The following EML1 variants were observed in gnomAD, a reference collection of about 807,000 sequenced individuals.
EML1 encodes echinoderm microtubule-associated protein-like 1.
A neutral mutation model predicts 110.4 loss-of-function variants in EML1; 27 were observed. That is an observed-to-expected ratio of 0.24 (90% CI 0.18 to 0.34). The LOEUF is 0.34. Among genes scored for constraint, EML1 ranks in the 10% least tolerant of loss-of-function variants. The pLI, the probability that EML1 is intolerant of heterozygous loss-of-function variation, is 1.00. For missense variants in EML1, 741 were observed against 1,030.9 expected (o/e 0.72, Z 3.85); for synonymous variants, 344 against 385.8 (o/e 0.89, Z 1.27).
intron 1 of EML1, among the ~76,000 whole-genome samples, chr14:99,821,366 T>C (rs2058259524): frequency 6.6e-6 from 1 of 152,158 alleles, no homozygotes; most frequent in Admixed American, 6.5e-5. Context: ...AATTTGAGCC[T>C]CTCCAAGCCG....
At chr14:99,808,696 G>A (rs1407727854) in intron 1 of EML1, among the ~76,000 whole-genome samples, 1 of 152,166 alleles carries the variant, frequency 6.6e-6, no homozygotes, top group Non-Finnish European at 1.5e-5. Context: ...AGATGATACA[G>A]TTTACACAAA....
chr14:99,789,636 C>T (rs1423652887), upstream of EML1, among the ~76,000 whole-genome samples: 3 of 152,236 alleles, frequency 2.0e-5, no homozygotes, highest in Non-Finnish European at 2.9e-5. Context: ...CACTGTGTAA[C>T]TATTTTTGGT....
chr14:99,854,501 CT>C (rs1037887998), intron 2 of EML1, among the ~76,000 whole-genome samples: 4 of 152,324 alleles, frequency 2.6e-5, no homozygotes, highest in African/African-American at 9.6e-5. Flanking sequence ...ACTTGTTCCC[CT>C]GTCCCTGCGG....
chr14:99,891,078 G>A (rs960507010), intron 4 of EML1, 121 bp from the exon 5 acceptor site: 82 of 1,089,740 alleles, frequency 7.5e-5, no homozygotes, highest in Non-Finnish European at 9.8e-5. Flanking sequence ...TCTTATTAAC[G>A]TGTATAACTT....
intron 1 of EML1, among the ~76,000 whole-genome samples, chr14:99,815,568 G>T (rs1041409125): frequency 2.6e-5 from 4 of 152,038 alleles, no homozygotes; most frequent in African/African-American, 4.8e-5. Flanking sequence ...TGCAAACAAT[G>T]GTTTCTTTTT....
intron 1 of EML1, among the ~76,000 whole-genome samples, chr14:99,778,267 T>G (rs1005576522): frequency 6.6e-6 from 1 of 152,254 alleles, no homozygotes; most frequent in African/African-American, 2.4e-5. Flanking sequence ...TATATTACTA[T>G]GACTATCAAA....
chr14:99,934,918 A>C (rs1407051977), intron 17 of EML1, among the ~76,000 whole-genome samples: 1 of 152,232 alleles, frequency 6.6e-6, no homozygotes, highest in African/African-American at 2.4e-5. Context: ...CCACACAAGC[A>C]TCGCAGCCTG....
Position 99,910,333 on chromosome 14 carries a change from G to T in EML1, c.1331G>T (p.Trp444Leu). ...TGDSSGNILV[W>L]GKGTNRISYA... ...GATTCAAGTGGCAACATCTTAGTAT[G>T]GGGAAAAGGTAATAAGTGATTGTTC... is the stretch of plus-strand genomic sequence containing the variant. The change falls in exon 12 of 22, where the codon TGG becomes TTG. Residue 444 changes from tryptophan to leucine, a missense_variant. Physicochemically the swap from Trp to Leu is moderately conservative, Grantham distance 61. This residue lies in a region of EML1 where 388 missense variants were observed against 605.6 expected (regional missense o/e 0.64). Transcript: ENST00000262233. The T allele has an allele frequency of 6.2e-7, 1 of 1,611,934 alleles. No homozygotes were observed. Among genetic ancestry groups the T allele is most frequent in the Non-Finnish European group, 8.5e-7 (1 of 1,178,962 alleles).
Position 99,940,195 on chromosome 14 carries a change from G to A in EML1, c.*83G>A. 2.2e-6 allele frequency: 3 copies of A among 1,365,632 alleles called. No homozygotes were observed. Among genetic ancestry groups the A allele is most frequent in the Non-Finnish European group, 2.8e-6 (3 of 1,058,022 alleles). 84.6% of individuals were successfully genotyped at this position (1,365,632 alleles called of 1,614,324 possible). ...CCTTGGTCACTGTGATTTCTGTTTT[G>A]TTTAAAAAATTCTTACAAACCTCAG... On this transcript the variant is annotated 3_prime_UTR_variant, in exon 22 of 22. Transcript: ENST00000262233.
chr14:99,809,588 G>A, intron 1 of EML1: 1 of 455,782 alleles, frequency 2.2e-6, no homozygotes, highest in Non-Finnish European at 4.4e-6. Flanking sequence ...TGGGTGTATG[G>A]CAGATGCCTT....
chr14:99,752,710 G>A (rs1336982562), intron 1 of EML1, among the ~76,000 whole-genome samples: 1 of 152,208 alleles, frequency 6.6e-6, no homozygotes, highest in Non-Finnish European at 1.5e-5. Flanking sequence ...GCTTTCAGGG[G>A]CCAATGGTCT....
intron 4 of EML1, among the ~76,000 whole-genome samples, chr14:99,879,025 GAC>G (rs1281735292): frequency 2.0e-5 from 3 of 152,176 alleles, no homozygotes; most frequent in African/African-American, 7.2e-5. Flanking sequence ...TATTTTCTGA[GAC>G]ACAGTGGCTG....
chr14:99,779,610 C>T (rs987165018), intron 1 of EML1, among the ~76,000 whole-genome samples: 12 of 152,216 alleles, frequency 7.9e-5, no homozygotes, highest in Admixed American at 7.2e-4. Context: ...TCCCAACCTG[C>T]CCAACCTCTA....
chr14:99,901,163 T>G, intron 9 of EML1, 124 bp downstream of exon 9: 1 of 779,136 alleles, frequency 1.3e-6, no homozygotes, highest in Non-Finnish European at 2.1e-6. Context: ...ATTTGGACTC[T>G]GAAACATTCC....
At chr14:99,903,536 A>G (rs1257941802) in intron 9 of EML1, among the ~76,000 whole-genome samples, 1 of 152,206 alleles carries the variant, frequency 6.6e-6, no homozygotes, top group Non-Finnish European at 1.5e-5. Context: ...GGAGCATACA[A>G]TAATTTAACA....
chr14:99,786,777 T>A (rs2057605274), intron 1 of EML1, among the ~76,000 whole-genome samples: 1 of 152,162 alleles, frequency 6.6e-6, no homozygotes, highest in African/African-American at 2.4e-5. Flanking sequence ...ATGTTTGCAC[T>A]TAATATGGTA....
intron 1 of EML1, among the ~76,000 whole-genome samples, chr14:99,804,570 GGT>G (rs1227535289): frequency 6.6e-6 from 1 of 152,254 alleles, no homozygotes; most frequent in African/African-American, 2.4e-5. Context: ...CACTGTCCAT[GGT>G]ATACTAAGTA....
chr14:99,782,089 A>C (rs2057546056), intron 1 of EML1, among the ~76,000 whole-genome samples: 1 of 152,160 alleles, frequency 6.6e-6, no homozygotes, highest in African/African-American at 2.4e-5. Flanking sequence ...ACCTGTCCCC[A>C]GCCAGGGTGT....
chr14:99,886,008 C>T (rs758787699), intron 4 of EML1: 4 of 379,042 alleles, frequency 1.1e-5, no homozygotes, highest in South Asian at 4.0e-5. Context: ...ATGAAGCAGT[C>T]GCTTTTGTCC....
Sources: allele counts gnomAD v4.1 joint callset (sites outside exome capture counted in the v4.1 genomes callset), GRCh38; gene constraint gnomAD v4.1.1; regional missense constraint gnomAD v4.1.1; transcripts MANE v1.5; gene names NCBI Gene and HGNC (gene_info 2026-07-23, HGNC 2026-07-21).